ANXA7: variants seen among roughly 807,000 people sequenced by gnomAD.
The protein encoded by ANXA7 is annexin VII.
A neutral mutation model predicts 64.9 loss-of-function variants in ANXA7; 55 were observed. The ratio of observed to expected loss-of-function variants is 0.85; its 90% CI spans 0.68 to 1.06. The LOEUF is 1.06. Ranked by LOEUF, ANXA7 falls within the 50% of genes least tolerant of loss-of-function variation. The pLI is 0.00. For synonymous variants in ANXA7, 200 were observed against 192.4 expected (o/e 1.04, Z -0.33); for missense variants, 548 against 582.1 (o/e 0.94, Z 0.60).
rs2055152038 is a variant in ANXA7 at position 73,375,250 on chromosome 10, T to C, written c.*845A>G. 2.0e-5 allele frequency: 3 copies of C among 152,204 alleles called. No individual in the cohort carries two copies. In the South Asian group the frequency reaches 6.2e-4, roughly 31 times the overall value. The allele number at this position is 152,204 out of a possible 1,614,324, so 9.4% of individuals were successfully genotyped here. ...ACGAATAAATGCTAGAGGTTTAATG[T>C]AGAGCACAGTATCTATAGTTAATAA... On this transcript the variant is annotated 3_prime_UTR_variant, in exon 13 of 13. Coordinates refer to ENST00000372921, the MANE Select transcript of ANXA7 (RefSeq NM_001156.5).
rs546060181 is a variant in ANXA7, at chr10:73,398,112, G to C, written c.259+69C>G. 2.0e-6 allele frequency: 3 copies of C among 1,480,458 alleles called. No individual in the cohort carries two copies. The African/African-American group carries it at 4.2e-5, about 21-fold the overall frequency. 91.7% of individuals were successfully genotyped at this position (1,480,458 alleles called of 1,614,324 possible). A position where few individuals can be genotyped will look rare whatever the true frequency, so the allele number is the denominator to read the frequency against. ...TATACAAAACAAGCAGGAATGAAGA[G>C]GATAAAGGGAGAAGGAAAAAGTGCT... On this transcript the variant is annotated intron_variant, in intron 3 of 12. Transcript: ENST00000372921.
intron 4 of ANXA7, 46 bp downstream of exon 4, chr10:73,397,118 C>T (rs946661513): frequency 1.2e-5 from 13 of 1,117,082 alleles, no homozygotes; most frequent in Non-Finnish European, 1.5e-5. Flanking sequence ...GATTTAAAAA[C>T]TCAAAATATC....
intron 5 of ANXA7, chr10:73,396,095 A>G: frequency 1.9e-6 from 3 of 1,595,104 alleles, no homozygotes; most frequent in Non-Finnish European, 2.6e-6. Context: ...AGGAAGAAAA[A>G]GAATCTGTAT....
chr10:73,378,963 C>T lies in ANXA7; in HGVS notation c.1226G>A (p.Gly409Asp), dbSNP rs908797620. 1.9e-6 allele frequency: 3 copies of T among 1,613,760 alleles called. No homozygotes were observed. The highest frequency in any genetic ancestry group is 2.5e-6 in the Non-Finnish European group (3 of 1,179,836). ...CAGGGTGGAGTCATCTGTGCCAGCA[C>T]CTTTCATAGCATAGTAGAGCCTCTC... Reference protein sequence around the residue: ...FAERLYYAMKGAGTDDSTLVR... With the variant: ...FAERLYYAMKDAGTDDSTLVR... Residue 409 changes from glycine to aspartate, a missense_variant, in exon 12 of 13, where the codon GGT (glycine) becomes GAT (aspartate). Transcript: ENST00000372921.
intron 5 of ANXA7, 70 bp from the exon 6 acceptor site, chr10:73,388,484 TCC>T (rs1365988717): frequency 6.9e-6 from 8 of 1,159,172 alleles, no homozygotes; most frequent in African/African-American, 1.5e-5. Flanking sequence ...CTTAAAGACT[TCC>T]CCAGACATCA....
chr10:73,405,708 C>T (rs898627655), intron 1 of ANXA7, among the ~76,000 whole-genome samples: 7 of 152,106 alleles, frequency 4.6e-5, no homozygotes, highest in African/African-American at 1.4e-4. Flanking sequence ...GTGCTAGACA[C>T]AGATAGGCAA....
At chr10:73,411,502 G>A (rs1294902284) in intron 1 of ANXA7, among the ~76,000 whole-genome samples, 4 of 151,778 alleles carry the variant, frequency 2.6e-5, no homozygotes, top group Non-Finnish European at 5.9e-5. Context: ...GTGCAGTGGT[G>A]TGATCTCCAC....
rs189090487 is a variant in ANXA7 at position 73,407,265 on chromosome 10, C to T, written c.-1-6408G>A. ...TTAATTTTTGCATTTTTAATGGAGA[C>T]GGAGTTTCACCATGTTGGCCAGGCT... On this transcript the variant is annotated intron_variant, in intron 1 of 12. Transcript: ENST00000372921. Among the ~76,000 whole-genome samples the T allele has an allele frequency of 2.4e-4, 36 of 152,168 alleles. 1 individual carries two copies. Among genetic ancestry groups the T allele is most frequent in the African/African-American group, 6.0e-4 (25 of 41,530 alleles).
At chr10:73,399,819 TCAAAAA>T (rs549545581) in intron 2 of ANXA7, among the ~76,000 whole-genome samples, 75 of 144,440 alleles carry the variant, frequency 5.2e-4, no homozygotes, top group South Asian at 3.1e-3. Flanking sequence ...AGACTCCATC[TCAAAAA>T]CAAAAACAAA....
intron 1 of ANXA7, among the ~76,000 whole-genome samples, chr10:73,412,274 A>C (rs1368382889): frequency 6.6e-6 from 1 of 151,826 alleles, no homozygotes; most frequent in Admixed American, 6.6e-5. Context: ...TGACCTCGTG[A>C]TCCTCCCGCC....
chr10:73,375,459 T>A lies in ANXA7; in HGVS notation c.*636A>T, dbSNP rs1474148809. On this transcript the variant is annotated 3_prime_UTR_variant, in exon 13 of 13. Coordinates refer to ENST00000372921, the MANE Select transcript of ANXA7 (RefSeq NM_001156.5). ...TACACCTTAAATATATGCAATTTTT[T>A]ATTTGTCATAACTCAATTTAAAAAA... is the stretch of plus-strand genomic sequence containing the variant. The A allele has an allele frequency of 2.0e-5, 3 of 152,192 alleles. No individual in the cohort carries two copies. Among genetic ancestry groups the A allele is most frequent in the African/African-American group, 4.8e-5 (2 of 41,446 alleles). 9.4% of individuals were successfully genotyped at this position (152,192 alleles called of 1,614,324 possible).
chr10:73,383,445 A>G (rs2055308288), intron 8 of ANXA7, 100 bp from the exon 9 acceptor site: 1 of 1,276,738 alleles, frequency 7.8e-7, no homozygotes, highest in Non-Finnish European at 1.1e-6. Flanking sequence ...ACTAAAAACT[A>G]TATATTCAGA....
chr10:73,391,516 G>A (rs1350785072), intron 5 of ANXA7, among the ~76,000 whole-genome samples: 1 of 152,148 alleles, frequency 6.6e-6, no homozygotes, highest in Non-Finnish European at 1.5e-5. Flanking sequence ...GGAGGCTGAT[G>A]CAGGAGGATC....
At chr10:73,400,546 G>A (rs528277821) in intron 2 of ANXA7, among the ~76,000 whole-genome samples, 1 of 152,256 alleles carries the variant, frequency 6.6e-6, no homozygotes, top group African/African-American at 2.4e-5. Flanking sequence ...TTTACTTGAA[G>A]GGCTGGAGTA....
At chr10:73,386,437 G>A (rs927729509) in intron 7 of ANXA7, among the ~76,000 whole-genome samples, 5 of 152,206 alleles carry the variant, frequency 3.3e-5, no homozygotes, top group East Asian at 1.9e-4. Context: ...GGGGTGGGCC[G>A]TGAGATTAGT....
intron 1 of ANXA7, 39 bp from the exon 2 acceptor site, chr10:73,400,896 G>C (rs1300084213): frequency 3.9e-6 from 6 of 1,542,258 alleles, no homozygotes; most frequent in African/African-American, 1.4e-5. Flanking sequence ...TAAGTTTTTT[G>C]TTGTTTTGTT....
rs546199604 is a variant in ANXA7, at chr10:73,375,450, G to A, written c.*645C>T. 2.0e-5 allele frequency: 3 copies of A among 152,120 alleles called. No individual in the cohort carries two copies. In the South Asian group the frequency reaches 6.2e-4, roughly 32 times the overall value. 9.4% of individuals were successfully genotyped at this position (152,120 alleles called of 1,614,324 possible). A position where few individuals can be genotyped will look rare whatever the true frequency, so the allele number is the denominator to read the frequency against. ...ACCATATTGTACACCTTAAATATATGCAATTTTTTATTTGTCATAACTCAA... is the reference window on the plus strand; with the variant it reads ...ACCATATTGTACACCTTAAATATATACAATTTTTTATTTGTCATAACTCAA... On this transcript the variant is annotated 3_prime_UTR_variant, in exon 13 of 13. Coordinates refer to ENST00000372921, the MANE Select transcript of ANXA7 (RefSeq NM_001156.5).
chr10:73,387,595 C>A (rs2055396014), intron 7 of ANXA7, 94 bp downstream of exon 7: 3 of 961,994 alleles, frequency 3.1e-6, no homozygotes, highest in Admixed American at 1.7e-5. Flanking sequence ...CTCTTTTGCA[C>A]CACAGGTACT....
intron 9 of ANXA7, among the ~76,000 whole-genome samples, chr10:73,380,402 T>C (rs2132652761): frequency 6.6e-6 from 1 of 152,132 alleles, no homozygotes; most frequent in South Asian, 2.1e-4. Context: ...CCCAGATAGC[T>C]GGGACTACAG....
Sources: gnomAD v4.1 joint callset for allele counts (sites outside exome capture counted in the v4.1 genomes callset) on GRCh38, gnomAD v4.1.1 for gene constraint, MANE v1.5 for transcripts, NCBI Gene and HGNC (gene_info 2026-07-23, HGNC 2026-07-21) for gene names.